The following FHL5 variants were observed in gnomAD, a reference collection of about 807,000 sequenced individuals.
FHL5 encodes the protein four and a half LIM domains 5.
A neutral mutation model predicts 32.0 loss-of-function variants in FHL5; 33 were observed. The ratio of observed to expected loss-of-function variants is 1.03; its 90% CI spans 0.78 to 1.38. FHL5 has a LOEUF of 1.38. FHL5 is among the 40% of genes most tolerant of loss of function. FHL5 has a pLI of 0.00. For missense variants in FHL5, 336 were observed against 343.9 expected, an observed-to-expected ratio of 0.98 and a Z score of 0.18; for synonymous variants, 114 against 113.6, an observed-to-expected ratio of 1.00 and a Z score of -0.02.
rs986403059 is a variant in FHL5, at chr6:96,585,786, G to C, written c.-12-17816G>C. Among the ~76,000 whole-genome samples the C allele has an allele frequency of 4.6e-5, 7 of 152,218 alleles. No individual in the cohort carries two copies. The South Asian group carries it at 1.5e-3, about 32-fold the overall frequency. On this transcript the variant is annotated intron_variant, in intron 1 of 5. Transcript: ENST00000450218. ...ACACATGAACAGAGAGTCATTATTG[G>C]AAACCAGAAGACCGTAATTATATCC...
intron 3 of FHL5, 70 bp from the exon 4 acceptor site, chr6:96,605,832 G>T: frequency 1.6e-6 from 2 of 1,216,530 alleles, no homozygotes; most frequent in Admixed American, 2.4e-5. Context: ...TAAGTAATTT[G>T]ATCTGTATTT....
At chr6:96,563,033 C>T (rs950809901), upstream of FHL5, 1 of 152,140 alleles carries the variant, frequency 6.6e-6, no homozygotes, top group African/African-American at 2.4e-5. Context: ...ACTTCGAATG[C>T]TAATCCTGGC....
chr6:96,599,554 CA>C (rs1771107921), intron 1 of FHL5, among the ~76,000 whole-genome samples: 1 of 152,122 alleles, frequency 6.6e-6, no homozygotes, highest in Non-Finnish European at 1.5e-5. Context: ...AAAACAAAGC[CA>C]AGTCTATTCA....
chr6:96,583,340 G>C (rs1770731789), intron 1 of FHL5, among the ~76,000 whole-genome samples: 1 of 151,894 alleles, frequency 6.6e-6, no homozygotes, highest in South Asian at 2.1e-4. Flanking sequence ...ATCCCATCTG[G>C]CCTAGTTTAC....
intron 1 of FHL5, among the ~76,000 whole-genome samples, chr6:96,579,709 A>G (rs979419051): frequency 6.6e-6 from 1 of 152,206 alleles, no homozygotes; most frequent in African/African-American, 2.4e-5. Context: ...AAAATTGTCA[A>G]CTGGTAGTTA....
intron 1 of FHL5, among the ~76,000 whole-genome samples, chr6:96,575,897 A>T (rs188576779): frequency 1.4e-4 from 22 of 152,332 alleles, no homozygotes; most frequent in African/African-American, 5.1e-4. Flanking sequence ...GGCCAAATAA[A>T]TCCATAGCAA....
intron 1 of FHL5, among the ~76,000 whole-genome samples, chr6:96,588,746 T>G (rs1770853068): frequency 6.6e-6 from 1 of 152,120 alleles, no homozygotes; most frequent in South Asian, 2.1e-4. Context: ...TTTAATTCAC[T>G]TATTGATTCA....
chr6:96,594,812 A>C (rs925033514), intron 1 of FHL5, among the ~76,000 whole-genome samples: 1 of 151,946 alleles, frequency 6.6e-6, no homozygotes, highest in Non-Finnish European at 1.5e-5. Context: ...TTAAAATTTA[A>C]CAAATCTAAT....
chr6:96,583,883 C>T (rs767063066), intron 1 of FHL5, among the ~76,000 whole-genome samples: 7 of 152,126 alleles, frequency 4.6e-5, no homozygotes, highest in African/African-American at 9.7e-5. Context: ...CAAGTAAATA[C>T]ATAACATGCA....
chr6:96,596,238 C>G (rs948325752), intron 1 of FHL5, among the ~76,000 whole-genome samples: 22 of 151,984 alleles, frequency 1.4e-4, no homozygotes, highest in African/African-American at 4.8e-4. Context: ...TAGTTTCCTG[C>G]TTTCTTTTTA....
intron 1 of FHL5, among the ~76,000 whole-genome samples, chr6:96,601,959 A>C (rs577622728): frequency 6.6e-6 from 1 of 152,214 alleles, no homozygotes; most frequent in Admixed American, 6.5e-5. Flanking sequence ...AATTTTGGCC[A>C]TGTTCCATTG....
chr6:96,571,478 C>G (rs138940554), intron 1 of FHL5, among the ~76,000 whole-genome samples: 1 of 152,148 alleles, frequency 6.6e-6, no homozygotes, highest in South Asian at 2.1e-4. Flanking sequence ...ATGGGTTCTA[C>G]GTGCAGTGAT....
chr6:96,576,030 C>G (rs181375323), intron 1 of FHL5, among the ~76,000 whole-genome samples: 56 of 152,332 alleles, frequency 3.7e-4, no homozygotes, highest in African/African-American at 1.3e-3. Flanking sequence ...TTGCAGACCA[C>G]TCCCCTGCTC....
chr6:96,592,553 G>A (rs992578826), intron 1 of FHL5, among the ~76,000 whole-genome samples: 8 of 152,098 alleles, frequency 5.3e-5, no homozygotes, highest in Admixed American at 3.9e-4. Flanking sequence ...CTCAGCTTAC[G>A]AGATGACAGG....
chr6:96,587,093 G>C (rs1770814624), intron 1 of FHL5, among the ~76,000 whole-genome samples: 1 of 152,190 alleles, frequency 6.6e-6, no homozygotes, highest in African/African-American at 2.4e-5. Context: ...AGGGCATTTT[G>C]CTTGTTGACT....
rs991972884 is a variant in FHL5 at position 96,582,145 on chromosome 6, C to G, written c.-13+18790C>G. ...TCCAGAACATCTTTAAAATGAATAA[C>G]AGAGCAGGTTTGAAGGGAGTAGAAG... On this transcript the variant is annotated intron_variant, in intron 1 of 5. Coordinates refer to ENST00000450218, the MANE Select transcript of FHL5 (RefSeq NM_001322466.2). Among the ~76,000 whole-genome samples, 22 of 152,074 alleles carry G rather than the reference C, an allele frequency of 1.4e-4. 1 individual carries two copies. Among genetic ancestry groups the G allele is most frequent in the Non-Finnish European group, 4.4e-5 (3 of 67,994 alleles).
chr6:96,588,292 C>T (rs1468198789), intron 1 of FHL5, among the ~76,000 whole-genome samples: 1 of 152,168 alleles, frequency 6.6e-6, no homozygotes, highest in African/African-American at 2.4e-5. Flanking sequence ...CTCACTGCAA[C>T]CTCCACCTCC....
chr6:96,590,713 T>C (rs539604545), intron 1 of FHL5, among the ~76,000 whole-genome samples: 18 of 152,220 alleles, frequency 1.2e-4, no homozygotes, highest in African/African-American at 4.1e-4. Flanking sequence ...CCATTAAGTA[T>C]AGTGTTCGCT....
intron 1 of FHL5, among the ~76,000 whole-genome samples, chr6:96,572,423 C>A (rs1770498839): frequency 6.6e-6 from 1 of 152,040 alleles, no homozygotes; most frequent in Admixed American, 6.6e-5. Flanking sequence ...CTCCACTTGA[C>A]CCCACAGGAA....
Sources: allele counts gnomAD v4.1 joint callset (sites outside exome capture counted in the v4.1 genomes callset), GRCh38; gene constraint gnomAD v4.1.1; transcripts MANE v1.5; gene names NCBI Gene and HGNC (gene_info 2026-07-23, HGNC 2026-07-21).